Variants in ZMPSTE24 observed in about 807,000 individuals in gnomAD.
ZMPSTE24 encodes the protein zinc metallopeptidase STE24, also known as CAAX prenyl protease 1 homolog.
Under a neutral mutation model 56.7 loss-of-function variants are expected in ZMPSTE24, and 48 were observed. The ratio of observed to expected loss-of-function variants is 0.85; its 90% CI spans 0.67 to 1.08. The LOEUF (loss-of-function observed/expected upper bound fraction) is 1.08. ZMPSTE24 is among the 50% of genes least tolerant of loss of function. The pLI, the probability that ZMPSTE24 is intolerant of heterozygous loss-of-function variation, is 0.00. For synonymous variants in ZMPSTE24, 172 were observed against 195.2 expected (o/e 0.88, Z 0.99); for missense variants, 503 against 548.7 (o/e 0.92, Z 0.83).
chr1:40,281,359 C>G lies in ZMPSTE24; in HGVS notation c.786C>G (p.Ser262=). 1 of 1,613,992 alleles carries G rather than the reference C, an allele frequency of 6.2e-7. No individual in the cohort carries two copies. Among genetic ancestry groups the G allele is most frequent in the Non-Finnish European group, 8.5e-7 (1 of 1,179,948 alleles). The part of the protein sequence containing the change: ...VYVVEGSKRS[S]HSNAYFYGFF... ...TTTCCTTAGGATCTAAACGCTCTTC[C>G]CACAGCAATGCTTATTTTTATGGCT... The change falls in exon 7 of 10, where the codon TCC becomes TCG. Residue 262 remains serine, a synonymous_variant. Coordinates refer to ENST00000372759, the MANE Select transcript of ZMPSTE24 (RefSeq NM_005857.5).
intron 4 of ZMPSTE24, among the ~76,000 whole-genome samples, chr1:40,269,172 G>C (rs1643588370): frequency 6.6e-6 from 1 of 152,038 alleles, no homozygotes. Flanking sequence ...TAAGGCGGGA[G>C]GATCACTTGA....
At chr1:40,291,723 G>A (rs1643846099) in intron 9 of ZMPSTE24, among the ~76,000 whole-genome samples, 1 of 151,928 alleles carries the variant, frequency 6.6e-6, no homozygotes, top group African/African-American at 2.4e-5. Context: ...TTTCTATTAT[G>A]TATGGTGGGG....
chr1:40,289,942 AC>A (rs1432782620), intron 8 of ZMPSTE24, among the ~76,000 whole-genome samples: 1 of 152,068 alleles, frequency 6.6e-6, no homozygotes, highest in African/African-American at 2.4e-5. Flanking sequence ...CTAGCCCTTC[AC>A]CCTTTTACAG....
chr1:40,286,081 C>T, intron 8 of ZMPSTE24, 52 bp downstream of exon 8: 1 of 1,491,872 alleles, frequency 6.7e-7, no homozygotes, highest in Non-Finnish European at 9.3e-7. Flanking sequence ...CAAATTAGAA[C>T]TATGGCAGGC....
At chr1:40,282,462 C>T (rs1261306825) in intron 7 of ZMPSTE24, among the ~76,000 whole-genome samples, 2 of 152,144 alleles carry the variant, frequency 1.3e-5, no homozygotes, top group Non-Finnish European at 2.9e-5. Flanking sequence ...TGCCTGTTCA[C>T]TCACTGTCTG....
At chr1:40,258,470 T>C (rs1643461331) in intron 1 of ZMPSTE24, 76 bp downstream of exon 1, 1 of 1,607,240 alleles carries the variant, frequency 6.2e-7, no homozygotes, top group Admixed American at 1.7e-5. Flanking sequence ...ACCCTGAGAC[T>C]CTTGATTGCT....
chr1:40,275,331 G>A (rs1359050032), intron 6 of ZMPSTE24, among the ~76,000 whole-genome samples: 4 of 151,058 alleles, frequency 2.6e-5, no homozygotes, highest in Middle Eastern at 3.5e-3. Context: ...CTACTTGGGA[G>A]ACTAAGGCAG....
At chr1:40,277,645 T>A (rs1643683498) in intron 6 of ZMPSTE24, among the ~76,000 whole-genome samples, 1 of 152,126 alleles carries the variant, frequency 6.6e-6, no homozygotes, top group Non-Finnish European at 1.5e-5. Context: ...CAGATAGTGT[T>A]TAATAAATAT....
intron 6 of ZMPSTE24, among the ~76,000 whole-genome samples, chr1:40,272,960 A>T (rs1643627167): frequency 2.0e-5 from 3 of 152,212 alleles, no homozygotes; most frequent in Admixed American, 2.0e-4. Context: ...CAGTGCTACT[A>T]TTATAGCGCA....
rs2124583307 is a variant in ZMPSTE24 at position 40,272,033 on chromosome 1, A to G, written c.767A>G (p.Glu256Gly). The change falls in exon 6 of 10, where the codon GAA becomes GGA. Residue 256 changes from glutamate to glycine, a missense_variant and splice_region_variant. Physicochemically the swap from Glu to Gly is moderately conservative, Grantham distance 98. Transcript: ENST00000372759. ...CCTTTGACGAAGGTGTATGTTGTGG[A>G]AGGTAAGGCTACCTGGGGATAAGAA... ...DFPLTKVYVV[E>G]GSKRSSHSNA... The G allele has an allele frequency of 6.2e-7, 1 of 1,603,392 alleles. No individual in the cohort carries two copies. The highest frequency in any genetic ancestry group is 2.2e-5 in the East Asian group (1 of 44,548).
At chr1:40,292,391 T>G in intron 9 of ZMPSTE24, 54 bp from the exon 10 acceptor site, 1 of 1,553,998 alleles carries the variant, frequency 6.4e-7, no homozygotes, top group Non-Finnish European at 8.9e-7. Context: ...ATGGAACCTT[T>G]AGTAACAACA....
chr1:40,272,167 A>G (rs1643620207), intron 6 of ZMPSTE24, 132 bp downstream of exon 6: 3 of 1,060,554 alleles, frequency 2.8e-6, no homozygotes, highest in South Asian at 2.1e-5. Context: ...TTTAAAGGCT[A>G]GGAGTTTACC....
chr1:40,273,516 T>TCAAAA lies in ZMPSTE24; in HGVS notation c.769+1481_769+1482insCAAAA, dbSNP rs1208318399. Reference sequence around the variant, plus strand: ...TGGGCAACAAGAGCCAAATTCTGTCTAAAAAAAAAAAAAAAAAAAAAATAT... The same window carrying TCAAAA: ...TGGGCAACAAGAGCCAAATTCTGTCTCAAAAAAAAAAAAAAAAAAAAAAAAAATAT... On this transcript the variant is annotated intron_variant, in intron 6 of 9. Coordinates refer to ENST00000372759, the MANE Select transcript of ZMPSTE24 (RefSeq NM_005857.5). 8.5e-4 allele frequency among the ~76,000 whole-genome samples: 9 copies of TCAAAA among 10,584 alleles called. 1 individual carries two copies. The highest frequency in any genetic ancestry group is 6.1e-3 in the East Asian group (2 of 330). The allele number at this position is 10,584 out of a possible 152,430, so 6.9% of individuals were successfully genotyped here.
At chr1:40,264,627 G>A (rs1643531503) in intron 2 of ZMPSTE24, among the ~76,000 whole-genome samples, 1 of 151,980 alleles carries the variant, frequency 6.6e-6, no homozygotes, top group African/African-American at 2.4e-5. Flanking sequence ...TGTAATCATA[G>A]CACTTCGAGA....
At chr1:40,266,810 C>G (rs1209777324) in intron 2 of ZMPSTE24, among the ~76,000 whole-genome samples, 1 of 129,842 alleles carries the variant, frequency 7.7e-6, no homozygotes, top group African/African-American at 3.0e-5. Context: ...CATTCTGTCA[C>G]CCAGGCTGGA....
intron 2 of ZMPSTE24, among the ~76,000 whole-genome samples, chr1:40,266,905 A>T (rs1476669603): frequency 6.6e-6 from 1 of 150,464 alleles, no homozygotes; most frequent in Non-Finnish European, 1.5e-5. Context: ...AGTAGCTGGG[A>T]CCACAGAATC....
intron 1 of ZMPSTE24, among the ~76,000 whole-genome samples, 155 bp downstream of exon 1, chr1:40,258,549 G>A (rs1456207174): frequency 1.3e-5 from 2 of 152,122 alleles, no homozygotes; most frequent in Non-Finnish European, 2.9e-5. Context: ...ATGGCGGACT[G>A]TGGCTTTGAG....
In ZMPSTE24 at chr1:40,267,773, C is replaced by T. The variant is rs1011423501; in HGVS notation, c.271-13C>T. 1.3e-6 allele frequency: 2 copies of T among 1,589,378 alleles called. No homozygotes were observed. Among genetic ancestry groups the T allele is most frequent in the African/African-American group, 2.7e-5 (2 of 74,362 alleles). On this transcript the variant is annotated splice_polypyrimidine_tract_variant and intron_variant, in intron 2 of 9. Transcript: ENST00000372759. ...ACTGTTCAACTGTGATCAAAGTATG[C>T]TTTGTTTTATAGCTTATTCTTCTCT... is the stretch of plus-strand genomic sequence containing the variant.
chr1:40,282,631 C>T (rs900130764), intron 7 of ZMPSTE24, among the ~76,000 whole-genome samples: 1 of 152,196 alleles, frequency 6.6e-6, no homozygotes, highest in Non-Finnish European at 1.5e-5. Context: ...CGTGTGCCAC[C>T]GCACCCCGCC....
Sources: allele counts gnomAD v4.1 joint callset (sites outside exome capture counted in the v4.1 genomes callset), GRCh38; gene constraint gnomAD v4.1.1; transcripts MANE v1.5; gene names NCBI Gene and HGNC (gene_info 2026-07-23, HGNC 2026-07-21).